MYO5B: variants seen among roughly 807,000 people sequenced by gnomAD.
MYO5B encodes unconventional myosin-Vb.
In MYO5B, 143 loss-of-function variants were observed where a neutral mutation model predicts 229.3. That is an observed-to-expected ratio of 0.62 (90% CI 0.54 to 0.72). MYO5B has a LOEUF of 0.72. MYO5B is among the 30% of genes least tolerant of loss of function. MYO5B has a pLI of 0.00. For synonymous variants in MYO5B, 918 were observed against 885.2 expected (o/e 1.04, Z -0.66); for missense variants, 2,321 against 2,331.0 (o/e 1.00, Z 0.09).
chr18:50,066,506 A>G (rs891057680), intron 1 of MYO5B, among the ~76,000 whole-genome samples: 18 of 152,216 alleles, frequency 1.2e-4, no homozygotes, highest in African/African-American at 3.4e-4. Context: ...TATGGAGCTA[A>G]TTTGTTGTTT....
At chr18:50,127,089 C>T (rs2032176262) in intron 1 of MYO5B, among the ~76,000 whole-genome samples, 1 of 152,122 alleles carries the variant, frequency 6.6e-6, no homozygotes, top group South Asian at 2.1e-4. Flanking sequence ...GATCAAACTG[C>T]CCCCAGTTAA....
At position 50,060,577 on chromosome 18, in the gene MYO5B, T is replaced by G. The variant is rs536855862; in HGVS notation, c.28-5199A>C. Among the ~76,000 whole-genome samples the G allele has an allele frequency of 1.8e-4, 27 of 152,370 alleles. No homozygotes were observed. In the South Asian group the frequency reaches 5.6e-3, roughly 32 times the overall value. ...GACCCAATTATCAAAGAAAAGCTTG[T>G]GATTTTTGGAAAGTTCTTTTGAAAA... On this transcript the variant is annotated intron_variant, in intron 1 of 39. Coordinates refer to ENST00000285039, the MANE Select transcript of MYO5B (RefSeq NM_001080467.3).
chr18:49,949,875 A>G (rs1282858155), intron 14 of MYO5B, among the ~76,000 whole-genome samples: 1 of 152,178 alleles, frequency 6.6e-6, no homozygotes, highest in African/African-American at 2.4e-5. Context: ...CTACTATGAA[A>G]ACTAAAAATT....
chr18:49,847,674 T>A (rs1050406614), intron 32 of MYO5B, among the ~76,000 whole-genome samples: 2 of 152,222 alleles, frequency 1.3e-5, no homozygotes, highest in African/African-American at 4.8e-5. Flanking sequence ...TACTGACTTC[T>A]AAGGAAAGGA....
intron 16 of MYO5B, among the ~76,000 whole-genome samples, chr18:49,934,109 C>G (rs1004147788): frequency 3.3e-5 from 5 of 152,214 alleles, no homozygotes; most frequent in African/African-American, 1.2e-4. Context: ...CTCCTTGCCT[C>G]AAGTGATCCT....
At chr18:49,937,498 A>G in intron 14 of MYO5B, 101 bp from the exon 15 acceptor site, 2 of 1,401,610 alleles carry the variant, frequency 1.4e-6, no homozygotes, top group East Asian at 2.4e-5. Flanking sequence ...AACGGAAAAC[A>G]CACATCCACG....
At chr18:50,141,720 G>A (rs1482606220) in intron 1 of MYO5B, among the ~76,000 whole-genome samples, 1 of 152,176 alleles carries the variant, frequency 6.6e-6, no homozygotes, top group Admixed American at 6.5e-5. Context: ...AGACCCCTTT[G>A]TGGGCAAGGT....
In MYO5B at chr18:49,906,523, C is replaced by G. The variant is rs1598873247; in HGVS notation, c.2310G>C (p.Met770Ile). 1.2e-6 allele frequency: 2 copies of G among 1,614,218 alleles called. No homozygotes were observed. The highest frequency in any genetic ancestry group is 1.7e-6 in the Non-Finnish European group (2 of 1,180,048). Residue 770 changes from methionine (M) to isoleucine (I), a missense_variant, in exon 19 of 40, where the codon ATG (methionine) becomes ATC (isoleucine). This residue lies in a region of MYO5B where 2,113 missense variants were observed against 2,044.7 expected (regional missense o/e 1.03). Transcript: ENST00000285039. ...RADKFRTATI[M>I]IQKTVRGWLQ... ...GCCATCCCCGGACAGTTTTCTGGAT[C>G]ATGATGGTGGCTGTCCGGAACTTGT...
chr18:49,947,101 C>CTTTTTTTTTT (rs74176748), intron 14 of MYO5B, among the ~76,000 whole-genome samples: 4 of 108,294 alleles, frequency 3.7e-5, no homozygotes, highest in Non-Finnish European at 7.2e-5. Flanking sequence ...TCACCAAGCT[C>CTTTTTTTTTT]TTTTTTTTTT....
At chr18:49,889,257 T>G (rs1354257344) in intron 22 of MYO5B, among the ~76,000 whole-genome samples, 1 of 152,238 alleles carries the variant, frequency 6.6e-6, no homozygotes, top group African/African-American at 2.4e-5. Context: ...TTCAAATGCA[T>G]CTAATTTGCT....
At chr18:50,166,961 A>C (rs1012852684) in intron 1 of MYO5B, among the ~76,000 whole-genome samples, 1 of 152,212 alleles carries the variant, frequency 6.6e-6, no homozygotes, top group African/African-American at 2.4e-5. Flanking sequence ...GCACATACTG[A>C]ATCAATGGTT....
intron 1 of MYO5B, among the ~76,000 whole-genome samples, chr18:50,147,871 G>C (rs1322070232): frequency 6.6e-6 from 1 of 152,098 alleles, no homozygotes; most frequent in Non-Finnish European, 1.5e-5. Flanking sequence ...GTAAACAGGA[G>C]GCAGAAACTG....
intron 1 of MYO5B, among the ~76,000 whole-genome samples, chr18:50,103,264 T>C (rs1255490599): frequency 6.6e-6 from 1 of 152,228 alleles, no homozygotes; most frequent in Non-Finnish European, 1.5e-5. Context: ...GCCACTATCT[T>C]AGTTTCCATT....
intron 1 of MYO5B, among the ~76,000 whole-genome samples, chr18:50,106,413 G>A (rs954938412): frequency 6.6e-6 from 1 of 152,190 alleles, no homozygotes; most frequent in African/African-American, 2.4e-5. Context: ...AAGTCCTAGT[G>A]TGTCAAAGGG....
At chr18:49,941,649 G>T (rs1337546929) in intron 14 of MYO5B, among the ~76,000 whole-genome samples, 1 of 151,982 alleles carries the variant, frequency 6.6e-6, no homozygotes. Flanking sequence ...CAGCTTCTCA[G>T]CATCTTTGAA....
In MYO5B at chr18:50,172,155, A is replaced by T. The variant is rs545862726; in HGVS notation, c.27+22612T>A. 5.9e-5 allele frequency among the ~76,000 whole-genome samples: 9 copies of T among 152,062 alleles called. No individual in the cohort carries two copies. In the South Asian group the frequency reaches 1.7e-3, roughly 28 times the overall value. On this transcript the variant is annotated intron_variant, in intron 1 of 39. Transcript: ENST00000285039. Reference sequence around the variant, plus strand: ...AATTAGCCAGGCATGGTGGCACACAACTGTAGTCCCAACTACTTGGGAGGC... The same window carrying T: ...AATTAGCCAGGCATGGTGGCACACATCTGTAGTCCCAACTACTTGGGAGGC...
intron 1 of MYO5B, among the ~76,000 whole-genome samples, chr18:50,144,146 A>T (rs529960164): frequency 1.3e-5 from 2 of 152,290 alleles, no homozygotes; most frequent in African/African-American, 4.8e-5. Flanking sequence ...CCTTAGAAAT[A>T]TTAACCAGAT....
At chr18:49,919,837 A>C (rs2025055869) in intron 17 of MYO5B, among the ~76,000 whole-genome samples, 1 of 152,202 alleles carries the variant, frequency 6.6e-6, no homozygotes, top group African/African-American at 2.4e-5. Flanking sequence ...CAAGAGAAAA[A>C]ATGTGTCTAC....
chr18:50,115,547 G>GAGACAC (rs1212559551), intron 1 of MYO5B, among the ~76,000 whole-genome samples: 1 of 125,062 alleles, frequency 8.0e-6, no homozygotes, highest in African/African-American at 2.8e-5. Context: ...CACACAGAGA[G>GAGACAC]ACACACACAC....
Sources: allele counts gnomAD v4.1 joint callset (sites outside exome capture counted in the v4.1 genomes callset), GRCh38; gene constraint gnomAD v4.1.1; regional missense constraint gnomAD v4.1.1; transcripts MANE v1.5; gene names NCBI Gene and HGNC (gene_info 2026-07-23, HGNC 2026-07-21).